The following GRIA1 variants were observed in gnomAD, a reference collection of about 807,000 sequenced individuals.
GRIA1 encodes glutamate ionotropic receptor AMPA type subunit 1.
GRIA1 carries 31 observed loss-of-function variants against 99.2 expected under a neutral mutation model. The ratio of observed to expected loss-of-function variants is 0.31; its 90% CI spans 0.23 to 0.42. The LOEUF (loss-of-function observed/expected upper bound fraction) is 0.42, where lower values mean the gene tolerates loss of function less well. GRIA1 is among the 10% of genes least tolerant of loss of function. The pLI is 1.00. For missense variants in GRIA1, 782 were observed against 1,157.5 expected (o/e 0.68, Z 4.71); for synonymous variants, 438 against 432.4 (o/e 1.01, Z -0.16).
chr5:153,765,189 G>A (rs1034839324), intron 12 of GRIA1, among the ~76,000 whole-genome samples: 2 of 152,190 alleles, frequency 1.3e-5, no homozygotes, highest in Non-Finnish European at 2.9e-5. Context: ...GTGAGCGGAA[G>A]CAAAGGAGCA....
At chr5:153,636,603 C>T (rs1276355523) in intron 2 of GRIA1, among the ~76,000 whole-genome samples, 1 of 152,188 alleles carries the variant, frequency 6.6e-6, no homozygotes, top group East Asian at 1.9e-4. Context: ...TTGCCTATAC[C>T]TGGCATAGAG....
chr5:153,788,234 A>G (rs1400561751), intron 13 of GRIA1, among the ~76,000 whole-genome samples: 1 of 152,096 alleles, frequency 6.6e-6, no homozygotes, highest in Admixed American at 6.6e-5. Flanking sequence ...TCAATCCCCC[A>G]TAACCAATCT....
chr5:153,494,633 T>C (rs1581125542), intron 2 of GRIA1, among the ~76,000 whole-genome samples: 2 of 152,164 alleles, frequency 1.3e-5, no homozygotes, highest in African/African-American at 4.8e-5. Flanking sequence ...GGATGGTCAT[T>C]GAGCATCAAA....
chr5:153,539,466 G>C lies in GRIA1; in HGVS notation c.220+45401G>C, dbSNP rs1758870787. Among the ~76,000 whole-genome samples, 12 of 152,314 alleles carry C rather than the reference G, an allele frequency of 7.9e-5. 1 individual carries two copies. In the South Asian group the frequency reaches 2.5e-3, roughly 32 times the overall value. On this transcript the variant is annotated intron_variant, in intron 2 of 15. Transcript: ENST00000285900. ...GAATGTGCATACGCATTGTGAGTCT[G>C]TTGTTTAATGCCATTCTCACATTGG... is the stretch of plus-strand genomic sequence containing the variant.
chr5:153,772,212 G>C (rs1763927456), intron 13 of GRIA1, among the ~76,000 whole-genome samples: 1 of 151,316 alleles, frequency 6.6e-6, no homozygotes, highest in South Asian at 2.1e-4. Flanking sequence ...GGTTCAATTT[G>C]GTCTGCAGGA....
At chr5:153,728,166 A>G (rs1417880604) in intron 11 of GRIA1, among the ~76,000 whole-genome samples, 35 of 152,206 alleles carry the variant, frequency 2.3e-4, no homozygotes, top group Admixed American at 2.3e-3. Context: ...GTGCTGGGAA[A>G]AGTGGCTAGC....
chr5:153,683,545 A>G (rs946955713), intron 7 of GRIA1, among the ~76,000 whole-genome samples: 5 of 152,218 alleles, frequency 3.3e-5, no homozygotes, highest in South Asian at 2.1e-4. Context: ...TCACCGTGAC[A>G]GTGCAAGGGG....
chr5:153,794,273 C>T (rs1765492811), intron 13 of GRIA1, among the ~76,000 whole-genome samples: 1 of 152,026 alleles, frequency 6.6e-6, no homozygotes, highest in Non-Finnish European at 1.5e-5. Flanking sequence ...GTCTTTCATT[C>T]AGGCTGTATT....
At chr5:153,771,342 A>G (rs1487590248) in intron 13 of GRIA1, among the ~76,000 whole-genome samples, 2 of 152,236 alleles carry the variant, frequency 1.3e-5, no homozygotes, top group African/African-American at 2.4e-5. Context: ...AAGGATTAAT[A>G]AAGTTTGCAA....
intron 2 of GRIA1, among the ~76,000 whole-genome samples, chr5:153,595,086 T>G (rs972542898): frequency 6.6e-6 from 1 of 152,190 alleles, no homozygotes; most frequent in Non-Finnish European, 1.5e-5. Flanking sequence ...TTCCTTTGTC[T>G]TCTCTTCCCT....
In GRIA1 at chr5:153,709,365, A is replaced by G. The variant is rs557821083; in HGVS notation, c.1823+3298A>G. 3.9e-5 allele frequency among the ~76,000 whole-genome samples: 6 copies of G among 152,324 alleles called. No individual in the cohort carries two copies. The East Asian group carries it at 5.8e-4, about 15-fold the overall frequency. On this transcript the variant is annotated intron_variant, in intron 11 of 15. Coordinates refer to ENST00000285900, the MANE Select transcript of GRIA1 (RefSeq NM_000827.4). Reference sequence around the variant, plus strand: ...CCTAATTTAGTATTTGGGGAAATCAATTTCATCTGAATTGCATATATCTGC... The same window carrying G: ...CCTAATTTAGTATTTGGGGAAATCAGTTTCATCTGAATTGCATATATCTGC...
At chr5:153,741,824 C>A (rs1761811114) in intron 11 of GRIA1, among the ~76,000 whole-genome samples, 3 of 151,732 alleles carry the variant, frequency 2.0e-5, no homozygotes, top group South Asian at 4.2e-4. Flanking sequence ...CTCTAGAGAG[C>A]TGATGCATAG....
intron 2 of GRIA1, among the ~76,000 whole-genome samples, chr5:153,634,677 G>A (rs539661055): frequency 1.5e-4 from 23 of 152,298 alleles, no homozygotes; most frequent in Admixed American, 9.8e-4. Context: ...GCAAGTATAC[G>A]TGCATTGCAA....
At chr5:153,758,431 A>G (rs1762964816) in intron 11 of GRIA1, among the ~76,000 whole-genome samples, 1 of 151,982 alleles carries the variant, frequency 6.6e-6, no homozygotes, top group Admixed American at 6.6e-5. Flanking sequence ...AAAAAAGTAC[A>G]TTTTCAGGAA....
chr5:153,608,791 A>G (rs143849138), intron 2 of GRIA1, among the ~76,000 whole-genome samples: 92 of 152,168 alleles, frequency 6.0e-4, no homozygotes, highest in African/African-American at 2.2e-3. Context: ...CTTCCTGTAT[A>G]ACAGTTTTTT....
chr5:153,708,280 C>T (rs1309389734), intron 11 of GRIA1, among the ~76,000 whole-genome samples: 1 of 152,158 alleles, frequency 6.6e-6, no homozygotes, highest in East Asian at 1.9e-4. Flanking sequence ...CGGTTCACCC[C>T]AGCCCCAACC....
intron 15 of GRIA1, among the ~76,000 whole-genome samples, chr5:153,808,049 C>A (rs114016762): frequency 2.0e-5 from 3 of 152,318 alleles, no homozygotes; most frequent in Middle Eastern, 3.4e-3. Context: ...GTGCTTTGCA[C>A]GCCTGCCTGA....
At chr5:153,746,119 T>C (rs1034768769) in intron 11 of GRIA1, among the ~76,000 whole-genome samples, 10 of 152,142 alleles carry the variant, frequency 6.6e-5, no homozygotes, top group African/African-American at 2.4e-4. Context: ...AGGAAGTCTG[T>C]GGGGCTGCTG....
chr5:153,719,490 C>T (rs950369919), intron 11 of GRIA1, among the ~76,000 whole-genome samples: 1 of 151,988 alleles, frequency 6.6e-6, no homozygotes, highest in Non-Finnish European at 1.5e-5. Flanking sequence ...CCCTCCTTTA[C>T]GTGTCTGGCA....
Sources: allele counts gnomAD v4.1 joint callset (sites outside exome capture counted in the v4.1 genomes callset), GRCh38; gene constraint gnomAD v4.1.1; transcripts MANE v1.5; gene names NCBI Gene and HGNC (gene_info 2026-07-23, HGNC 2026-07-21).